TPRKB: variants seen among roughly 807,000 people sequenced by gnomAD.
TPRKB encodes EKC/KEOPS complex subunit TPRKB.
A neutral mutation model predicts 17.8 loss-of-function variants in TPRKB; 11 were observed. That is an observed-to-expected ratio of 0.62 (90% CI 0.39 to 1.02). TPRKB has a LOEUF of 1.02. Among genes scored for constraint, TPRKB ranks in the 50% least tolerant of loss-of-function variants. TPRKB has a pLI of 0.00. For missense variants in TPRKB, 228 were observed against 198.0 expected (o/e 1.15, Z -0.91); for synonymous variants, 71 against 69.5 (o/e 1.02, Z -0.11).
chr2:73,731,925 T>C (rs1460188051), intron 3 of TPRKB: 2 of 352,040 alleles, frequency 5.7e-6, no homozygotes, highest in African/African-American at 2.1e-5. Context: ...CCTGACCCTA[T>C]ATGGTAAGAA....
At chr2:73,734,155 A>G (rs540236966) in intron 2 of TPRKB, among the ~76,000 whole-genome samples, 3 of 148,034 alleles carry the variant, frequency 2.0e-5, no homozygotes, top group Non-Finnish European at 3.0e-5. Context: ...CTGGAGTGCA[A>G]TGGCGCAATC....
Position 73,734,409 on chromosome 2 carries a change from T to A in TPRKB, c.141+20A>T. The A allele has an allele frequency of 6.2e-7, 1 of 1,603,814 alleles. No individual in the cohort carries two copies. The highest frequency in any genetic ancestry group is 8.5e-7 in the Non-Finnish European group (1 of 1,176,604). On this transcript the variant is annotated intron_variant, in intron 2 of 4. Coordinates refer to ENST00000272424, the MANE Select transcript of TPRKB (RefSeq NM_016058.5). ...CCACCGCACCCAGCAGGCTCATTCATTCTTAAAATTTATATTTACCACTGT... is the reference window on the plus strand; with the variant it reads ...CCACCGCACCCAGCAGGCTCATTCAATCTTAAAATTTATATTTACCACTGT...
chr2:73,730,227 G>A (rs1252626705), intron 4 of TPRKB, 198 bp from the exon 5 acceptor site: 18 of 584,408 alleles, frequency 3.1e-5, no homozygotes, highest in Admixed American at 4.4e-5. Context: ...TGCTATGGGA[G>A]TAACTCTCAA....
At chr2:73,732,090 G>A in intron 3 of TPRKB, 73 bp downstream of exon 3, 3 of 1,506,896 alleles carry the variant, frequency 2.0e-6, no homozygotes, top group Non-Finnish European at 2.7e-6. Context: ...CAGGAATTTA[G>A]CCTCCAACCC....
chr2:73,732,036 G>T (rs1036930935), intron 3 of TPRKB, 127 bp downstream of exon 3: 1 of 1,055,242 alleles, frequency 9.5e-7, no homozygotes, highest in East Asian at 2.4e-5. Context: ...TCTGTCCAGA[G>T]CTCTCTTCAC....
chr2:73,735,468 C>G (rs1417320895), intron 1 of TPRKB, among the ~76,000 whole-genome samples: 1 of 152,106 alleles, frequency 6.6e-6, no homozygotes, highest in East Asian at 1.9e-4. Context: ...CACATGTACC[C>G]TAGAACTTAA....
intron 3 of TPRKB, among the ~76,000 whole-genome samples, chr2:73,731,469 T>G (rs545409619): frequency 6.6e-6 from 1 of 152,340 alleles, no homozygotes; most frequent in African/African-American, 2.4e-5. Flanking sequence ...GAATCTCTAT[T>G]ACCATGCTGA....
At chr2:73,730,151 A>T in intron 4 of TPRKB, 122 bp from the exon 5 acceptor site, 1 of 1,150,582 alleles carries the variant, frequency 8.7e-7, no homozygotes. Flanking sequence ...GGTATAACAA[A>T]CAACAAATGT....
At chr2:73,736,939 T>G (rs1014731513) in intron 1 of TPRKB, among the ~76,000 whole-genome samples, 3 of 152,070 alleles carry the variant, frequency 2.0e-5, no homozygotes, top group Non-Finnish European at 2.9e-5. Context: ...ATCGGACAGG[T>G]AGTTCCCTCT....
intron 1 of TPRKB, among the ~76,000 whole-genome samples, chr2:73,736,325 G>C (rs942508969): frequency 1.3e-5 from 2 of 152,010 alleles, no homozygotes; most frequent in African/African-American, 4.8e-5. Flanking sequence ...GACCATCTTG[G>C]GTAGTGAGGT....
chr2:73,736,824 G>C (rs12476993), intron 1 of TPRKB, among the ~76,000 whole-genome samples: 1 of 152,044 alleles, frequency 6.6e-6, no homozygotes, highest in Non-Finnish European at 1.5e-5. Flanking sequence ...TTTGTGTCAC[G>C]GTGTTCCACA....
chr2:73,733,865 T>C (rs760258464), intron 2 of TPRKB, among the ~76,000 whole-genome samples: 7 of 147,066 alleles, frequency 4.8e-5, no homozygotes, highest in Non-Finnish European at 1.0e-4. Flanking sequence ...TTGCCCAGGC[T>C]GGAGTGCAGT....
At chr2:73,732,539 T>C (rs1223611316) in intron 2 of TPRKB, 1 of 377,960 alleles carries the variant, frequency 2.6e-6, no homozygotes, top group African/African-American at 2.3e-5. Flanking sequence ...GGCGAAACCC[T>C]CTCTACTAAA....
At position 73,734,456 on chromosome 2, in the gene TPRKB, G is replaced by C. The variant is rs746849557; in HGVS notation, c.114C>G (p.Ile38Met). ...CTGTAGGATTTATCAGTGATCCATCGATGGTGCCTTCCATGGCCTTTCTTC... is the reference window on the plus strand; with the variant it reads ...CTGTAGGATTTATCAGTGATCCATCCATGGTGCCTTCCATGGCCTTTCTTC... ...DLRRKAMEGT[I>M]DGSLINPTVI... The change falls in exon 2 of 5, where the codon ATC (isoleucine) becomes ATG (methionine). Residue 38 changes from isoleucine (I) to methionine (M), a missense_variant. Coordinates refer to ENST00000272424, the MANE Select transcript of TPRKB (RefSeq NM_016058.5). 3.7e-6 allele frequency: 6 copies of C among 1,613,726 alleles called. No homozygotes were observed. In the South Asian group the frequency reaches 5.5e-5, roughly 15 times the overall value.
At chr2:73,730,419 T>C (rs1221574144) in intron 4 of TPRKB, 141 bp downstream of exon 4, 16 of 590,832 alleles carry the variant, frequency 2.7e-5, no homozygotes, top group Non-Finnish European at 4.1e-5. Context: ...TCTTTGTATC[T>C]GTAATTTTTA....
intron 2 of TPRKB, among the ~76,000 whole-genome samples, chr2:73,732,956 T>C (rs1319380903): frequency 2.0e-5 from 3 of 152,166 alleles, no homozygotes; most frequent in African/African-American, 4.8e-5. Context: ...TAGTATGTAA[T>C]TGATGAGGAA....
At chr2:73,736,113 A>C (rs1191823856) in intron 1 of TPRKB, among the ~76,000 whole-genome samples, 2 of 152,228 alleles carry the variant, frequency 1.3e-5, no homozygotes, top group African/African-American at 4.8e-5. Context: ...AGTTAATGTT[A>C]TCTCTTATTT....
intron 1 of TPRKB, among the ~76,000 whole-genome samples, chr2:73,735,925 T>C (rs988818821): frequency 1.3e-5 from 2 of 152,172 alleles, no homozygotes; most frequent in Admixed American, 6.5e-5. Flanking sequence ...TAGCTAATGA[T>C]GGGATTAGTT....
chr2:73,732,561 TAGTC>T (rs1345042571), intron 2 of TPRKB: 7 of 325,814 alleles, frequency 2.1e-5, no homozygotes, highest in Admixed American at 4.7e-5. Context: ...ATACAAAAAT[TAGTC>T]AGGCGTGGTG....
Sources: allele counts gnomAD v4.1 joint callset (sites outside exome capture counted in the v4.1 genomes callset), GRCh38; gene constraint gnomAD v4.1.1; transcripts MANE v1.5; gene names NCBI Gene and HGNC (gene_info 2026-07-23, HGNC 2026-07-21).